Variants in NUP50 observed in about 807,000 individuals in gnomAD.
NUP50 encodes nuclear pore complex protein Nup50.
A neutral mutation model predicts 36.8 loss-of-function variants in NUP50; 14 were observed. The observed-to-expected ratio is 0.38, with a 90% CI of 0.25 to 0.59. The LOEUF is 0.59. Ranked by LOEUF, NUP50 falls within the 20% of genes least tolerant of loss-of-function variation. The pLI, the probability that NUP50 is intolerant of heterozygous loss-of-function variation, is 0.63. For missense variants in NUP50, 455 were observed against 564.6 expected (o/e 0.81, Z 1.97); for synonymous variants, 195 against 210.8 (o/e 0.93, Z 0.65).
Position 45,184,839 on chromosome 22 carries a change from T to C in NUP50, c.*184T>C. On this transcript the variant is annotated 3_prime_UTR_variant, in exon 8 of 8. Transcript: ENST00000347635. ...TGTTAAGTGTCAAGAAACTGCACTC[T>C]CCCTTCTTAAGAACTGCCTAAAGTG... 3.3e-6 allele frequency: 2 copies of C among 614,984 alleles called. No homozygotes were observed. Among genetic ancestry groups the C allele is most frequent in the Non-Finnish European group, 5.9e-6 (2 of 339,824 alleles). The allele number at this position is 614,984 out of a possible 1,614,324, so 38.1% of individuals were successfully genotyped here.
intron 6 of NUP50, among the ~76,000 whole-genome samples, chr22:45,181,716 T>C (rs1428281267): frequency 2.6e-5 from 4 of 151,922 alleles, no homozygotes; most frequent in Non-Finnish European, 4.4e-5. Context: ...AACAAAGAAA[T>C]CGCAGAGTCA....
chr22:45,182,665 C>T (rs535240731), intron 6 of NUP50, among the ~76,000 whole-genome samples: 1,721 of 117,196 alleles, frequency 0.015, 15 homozygotes, highest in Non-Finnish European at 0.021. Context: ...CTTTCTGTCA[C>T]CCAGGCTGGA....
At chr22:45,178,141 A>T in intron 4 of NUP50, 97 bp from the exon 5 acceptor site, 1 of 1,089,128 alleles carries the variant, frequency 9.2e-7, no homozygotes, top group Non-Finnish European at 1.3e-6. Context: ...GGGGAGATAC[A>T]GTAAAAGCAG....
chr22:45,171,433 T>TAAA (rs2074192532), intron 2 of NUP50, among the ~76,000 whole-genome samples, 167 bp from the exon 3 acceptor site: 1 of 152,218 alleles, frequency 6.6e-6, no homozygotes, highest in Non-Finnish European at 1.5e-5. Context: ...TCCTGACCTT[T>TAAA]GGCCTCCCAA....
rs1304400438 is a variant in NUP50, at chr22:45,178,512, C to T, written c.615C>T (p.Gly205=). 2 of 1,612,126 alleles carry T rather than the reference C, an allele frequency of 1.2e-6. No individual in the cohort carries two copies. Among genetic ancestry groups the T allele is most frequent in the Admixed American group, 1.7e-5 (1 of 60,014 alleles). The change falls in exon 5 of 8, where the codon GGC becomes GGT. Residue 205 remains glycine (G), a synonymous_variant. Coordinates refer to ENST00000347635, the MANE Select transcript of NUP50 (RefSeq NM_007172.4). ...ANIEQQHGNS[G]RNSESESNKV... ...TTGAACAGCAACACGGGAACAGTGG[C>T]AGGAATTCTGAAAGTGAATCTAACA... is the stretch of plus-strand genomic sequence containing the variant.
chr22:45,173,603 C>T (rs558659183), intron 3 of NUP50, among the ~76,000 whole-genome samples: 2 of 152,218 alleles, frequency 1.3e-5, no homozygotes, highest in African/African-American at 4.8e-5. Context: ...GCTCCGGCAG[C>T]TTTCGTCATG....
At chr22:45,179,475 G>C (rs1464993433) in intron 5 of NUP50, among the ~76,000 whole-genome samples, 1 of 152,220 alleles carries the variant, frequency 6.6e-6, no homozygotes, top group African/African-American at 2.4e-5. Context: ...AAGGCACAAG[G>C]TCTGGGCCCT....
At chr22:45,178,196 A>C (rs2074306637) in intron 4 of NUP50, 42 bp from the exon 5 acceptor site, 1 of 1,550,108 alleles carries the variant, frequency 6.5e-7, no homozygotes, top group Non-Finnish European at 8.8e-7. Flanking sequence ...TGATTTAATC[A>C]AATTAGGCTA....
intron 5 of NUP50, chr22:45,179,121 A>T: frequency 2.3e-6 from 1 of 429,542 alleles, no homozygotes. Context: ...TTAAAAATAA[A>T]ATGAATTTGA....
chr22:45,172,607 C>CAA lies in NUP50; in HGVS notation c.153+932_153+933dup, dbSNP rs34626930. 5.4e-5 allele frequency among the ~76,000 whole-genome samples: 8 copies of CAA among 149,106 alleles called. No individual in the cohort carries two copies. In the East Asian group the frequency reaches 5.8e-4, roughly 11 times the overall value. The stretch of plus-strand genomic sequence containing the variant: ...TGCAAGCTTATTTCCCTTTTATTTC[C>CAA]AAAAAAAAAGGATAGGAAAGGTGTA... On this transcript the variant is annotated intron_variant, in intron 3 of 7. Transcript: ENST00000347635.
intron 3 of NUP50, among the ~76,000 whole-genome samples, chr22:45,173,758 A>G (rs2074234333): frequency 6.6e-6 from 1 of 152,214 alleles, no homozygotes. Flanking sequence ...AGGAAGTTCA[A>G]GAGGTAGAAA....
chr22:45,175,839 T>A, intron 3 of NUP50, 55 bp from the exon 4 acceptor site: 1 of 1,579,644 alleles, frequency 6.3e-7, no homozygotes, highest in Non-Finnish European at 8.7e-7. Context: ...ACTCACTTGC[T>A]TTTTGGTAAT....
At chr22:45,180,037 AGGCACG>A (rs1445691389) in intron 5 of NUP50, among the ~76,000 whole-genome samples, 1 of 152,186 alleles carries the variant, frequency 6.6e-6, no homozygotes, top group Non-Finnish European at 1.5e-5. Context: ...GTATATCCTC[AGGCACG>A]GGCCCTCTGG....
chr22:45,172,771 GCAGT>G (rs1171637127), intron 3 of NUP50, among the ~76,000 whole-genome samples: 1 of 152,172 alleles, frequency 6.6e-6, no homozygotes, highest in South Asian at 2.1e-4. Context: ...TGGTGGGGAG[GCAGT>G]CAGTAAGACG....
intron 7 of NUP50, 114 bp downstream of exon 7, chr22:45,183,634 A>G: frequency 2.8e-6 from 2 of 727,194 alleles, no homozygotes; most frequent in Non-Finnish European, 5.0e-6. Flanking sequence ...TTCAGGCCAA[A>G]TTCATCCTGT....
intron 6 of NUP50, among the ~76,000 whole-genome samples, chr22:45,182,130 T>A (rs1410257943): frequency 1.4e-5 from 2 of 147,344 alleles, no homozygotes; most frequent in Admixed American, 6.8e-5. Context: ...ACTTTAAGAT[T>A]TTTTTTTTTT....
intron 2 of NUP50, 86 bp downstream of exon 2, chr22:45,168,332 G>T: frequency 1.1e-6 from 1 of 946,600 alleles, no homozygotes; most frequent in Non-Finnish European, 1.6e-6. Context: ...ACTTGTGACA[G>T]AACTAAAAGA....
intron 3 of NUP50, among the ~76,000 whole-genome samples, chr22:45,173,486 A>T (rs887285267): frequency 6.6e-6 from 1 of 152,090 alleles, no homozygotes; most frequent in Non-Finnish European, 1.5e-5. Flanking sequence ...TAAGGAGGAA[A>T]TGGTTGGTCT....
At chr22:45,182,636 T>A (rs1201318315) in intron 6 of NUP50, among the ~76,000 whole-genome samples, 1 of 141,578 alleles carries the variant, frequency 7.1e-6, no homozygotes, top group African/African-American at 2.7e-5. Context: ...TTTTTTTTTT[T>A]TTTTTTGAGA....
Sources: allele counts gnomAD v4.1 joint callset (sites outside exome capture counted in the v4.1 genomes callset), GRCh38; gene constraint gnomAD v4.1.1; transcripts MANE v1.5; gene names NCBI Gene and HGNC (gene_info 2026-07-23, HGNC 2026-07-21).